JHY: variants seen among roughly 807,000 people sequenced by gnomAD.
JHY encodes the protein junctional cadherin complex regulator.
A neutral mutation model predicts 78.0 loss-of-function variants in JHY; 69 were observed. The ratio of observed to expected loss-of-function variants is 0.88; its 90% confidence interval spans 0.73 to 1.08. JHY has a LOEUF of 1.08. Among genes scored for constraint, JHY ranks in the 50% least tolerant of loss-of-function variants. The pLI is 0.00. For synonymous variants in JHY, 368 were observed against 342.6 expected, an observed-to-expected ratio of 1.07 and a Z score of -0.82; for missense variants, 944 against 927.8, an observed-to-expected ratio of 1.02 and a Z score of -0.23.
chr11:122,925,252 A>T (rs1245654895), intron 4 of JHY, among the ~76,000 whole-genome samples: 4 of 152,208 alleles, frequency 2.6e-5, no homozygotes, highest in Non-Finnish European at 4.4e-5. Flanking sequence ...CACTTCCAAC[A>T]TACTGAGTTA....
At chr11:122,913,384 G>A (rs2135322892) in intron 3 of JHY, among the ~76,000 whole-genome samples, 1 of 152,268 alleles carries the variant, frequency 6.6e-6, no homozygotes, top group Admixed American at 6.5e-5. Context: ...ATTTCATAGG[G>A]TAATTCTTTC....
intron 3 of JHY, among the ~76,000 whole-genome samples, chr11:122,908,586 A>G (rs952446004): frequency 1.3e-5 from 2 of 152,224 alleles, no homozygotes; most frequent in African/African-American, 4.8e-5. Context: ...AGAGTTGAAT[A>G]AGTCATTATC....
intron 6 of JHY, among the ~76,000 whole-genome samples, chr11:122,951,978 A>G (rs1348581553): frequency 1.3e-5 from 2 of 148,516 alleles, no homozygotes; most frequent in African/African-American, 5.0e-5. Context: ...CAAGACTATC[A>G]TTGTTGATTT....
chr11:122,925,126 C>T (rs1591385158), intron 4 of JHY, 116 bp downstream of exon 4: 2 of 811,852 alleles, frequency 2.5e-6, no homozygotes, highest in East Asian at 5.6e-5. Flanking sequence ...AGAATAATTA[C>T]CCACTTTCCT....
chr11:122,885,582 T>A (rs1862478012), intron 1 of JHY, among the ~76,000 whole-genome samples, 179 bp from the exon 2 acceptor site: 1 of 152,206 alleles, frequency 6.6e-6, no homozygotes, highest in Non-Finnish European at 1.5e-5. Flanking sequence ...TCAGATGTGT[T>A]TCTGCAGAGA....
At chr11:122,915,861 AG>A (rs1863222842) in intron 3 of JHY, among the ~76,000 whole-genome samples, 3 of 152,188 alleles carry the variant, frequency 2.0e-5, no homozygotes, top group African/African-American at 7.2e-5. Flanking sequence ...AGGGCACTGC[AG>A]GCAAAGGGGG....
Position 122,946,605 on chromosome 11 carries a change from TGCA to T in JHY, c.1745_1747del (p.Gln582del), listed in dbSNP as rs1409068210. 5 of 1,614,082 alleles carry T rather than the reference TGCA, an allele frequency of 3.1e-6. No homozygotes were observed. The highest frequency in any genetic ancestry group is 4.2e-6 in the Non-Finnish European group (5 of 1,180,002). ...CAAGCCTTGGTGCAGCTGACCGACG[TGCA>T]GCCCAGTGAAGGGGCCTTATCCAGC... is the stretch of plus-strand genomic sequence containing the variant. On this transcript the variant is annotated inframe_deletion, in exon 6 of 9. Coordinates refer to ENST00000227349, the MANE Select transcript of JHY (RefSeq NM_024806.4).
chr11:122,924,370 C>T (rs949567848), intron 3 of JHY, among the ~76,000 whole-genome samples: 8 of 152,152 alleles, frequency 5.3e-5, no homozygotes, highest in African/African-American at 1.9e-4. Flanking sequence ...CTTAACCTCT[C>T]TGTACCTTTG....
rs1353703866 is a variant in JHY, at chr11:122,904,057, T to C, written c.477T>C (p.Pro159=). The C allele has an allele frequency of 6.2e-7, 1 of 1,614,032 alleles. No individual in the cohort carries two copies. The highest frequency in any genetic ancestry group is 8.5e-7 in the Non-Finnish European group (1 of 1,180,020). ...ESTDSSLENL[P]LAPLYPSQET... is the part of the protein sequence containing the mutation. The stretch of plus-strand genomic sequence containing the variant: ...CGGACAGCTCTTTAGAAAATCTGCC[T>C]TTGGCTCCCCTCTACCCTTCCCAGG... The change falls in exon 3 of 9, where the codon CCT becomes CCC. Residue 159 remains proline, a synonymous_variant. Transcript: ENST00000227349.
rs983418211 is a variant in JHY, at chr11:122,883,249, T to C, written c.-90+277T>C. ...CCCGGGCACCAGGCCCGCCGACTTGTCACTTCCTGGACCTCCAAACGCCCC... is the reference window on the plus strand; with the variant it reads ...CCCGGGCACCAGGCCCGCCGACTTGCCACTTCCTGGACCTCCAAACGCCCC... On this transcript the variant is annotated intron_variant, in intron 1 of 8. Coordinates refer to ENST00000227349, the MANE Select transcript of JHY (RefSeq NM_024806.4). The surrounding 1 kb of genome is among the most constrained non-coding windows in gnomAD (Gnocchi z 4.4). Among the ~76,000 whole-genome samples, 1 of 152,152 alleles carries C rather than the reference T, an allele frequency of 6.6e-6. No individual in the cohort carries two copies. Among genetic ancestry groups the C allele is most frequent in the African/African-American group, 2.4e-5 (1 of 41,464 alleles).
At position 122,963,745 on chromosome 11, in the gene JHY, G is replaced by A. The variant is rs367974747; in HGVS notation, c.*4300G>A. Reference sequence around the variant, plus strand: ...AGAAAACAAAAAACTTCAAACTTAAGTGATGTAATGATGGAGCACCTGTAT... The same window carrying A: ...AGAAAACAAAAAACTTCAAACTTAAATGATGTAATGATGGAGCACCTGTAT... On this transcript the variant is annotated 3_prime_UTR_variant, in exon 9 of 9. Transcript: ENST00000227349. Among the ~76,000 whole-genome samples the A allele has an allele frequency of 5.3e-5, 8 of 152,216 alleles. No homozygotes were observed. In the South Asian group the frequency reaches 8.3e-4, roughly 16 times the overall value.
chr11:122,886,964 T>C (rs1214650735), intron 2 of JHY, among the ~76,000 whole-genome samples: 1 of 152,180 alleles, frequency 6.6e-6, no homozygotes, highest in Non-Finnish European at 1.5e-5. Flanking sequence ...AACCTTGTGC[T>C]ATGAGCTACC....
At chr11:122,939,553 C>T (rs749835696) in intron 5 of JHY, among the ~76,000 whole-genome samples, 4 of 152,100 alleles carry the variant, frequency 2.6e-5, no homozygotes, top group Non-Finnish European at 4.4e-5. Context: ...GGGTTGATGT[C>T]TTTTAAAAAT....
chr11:122,916,062 T>C (rs114150723), intron 3 of JHY, among the ~76,000 whole-genome samples: 2,042 of 151,910 alleles, frequency 0.013, 55 homozygotes, highest in African/African-American at 0.046. Context: ...GAAGAGAGGT[T>C]GGTCAGTTGG....
Position 122,898,852 on chromosome 11 carries a change from G to A in JHY, c.345-5073G>A, listed in dbSNP as rs983724507. Among the ~76,000 whole-genome samples, 4 of 152,138 alleles carry A rather than the reference G, an allele frequency of 2.6e-5. No individual in the cohort carries two copies. Among genetic ancestry groups the A allele is most frequent in the Non-Finnish European group, 5.9e-5 (4 of 68,034 alleles). On this transcript the variant is annotated intron_variant, in intron 2 of 8. Transcript: ENST00000227349. The surrounding 1 kb of genome is among the most constrained non-coding windows in gnomAD (Gnocchi z 4.4). ...CGAGATCTGACCTTTGCTTGCCCTT[G>A]AGCTGTGCTCCTCGACCTGCCCTCC...
At chr11:122,946,408 C>T (rs1352289669) in intron 5 of JHY, 90 bp from the exon 6 acceptor site, 2 of 1,347,498 alleles carry the variant, frequency 1.5e-6, no homozygotes, top group Non-Finnish European at 2.0e-6. Context: ...ATAAATACAT[C>T]AAATTAATGG....
At chr11:122,909,521 C>T (rs1011071372) in intron 3 of JHY, among the ~76,000 whole-genome samples, 6 of 152,086 alleles carry the variant, frequency 3.9e-5, no homozygotes, top group African/African-American at 1.4e-4. Context: ...AGTTAGGCCA[C>T]GTAAACTCAG....
chr11:122,888,677 C>T lies in JHY; in HGVS notation c.344+2484C>T, dbSNP rs1862547682. On this transcript the variant is annotated intron_variant, in intron 2 of 8. Transcript: ENST00000227349. ...TTACAGATAAAGTTTCCATGTACCC[C>T]CTTCTCAAACTCATTCCCCTTTCTT... Among the ~76,000 whole-genome samples, 4 of 152,098 alleles carry T rather than the reference C, an allele frequency of 2.6e-5. No individual in the cohort carries two copies. The South Asian group carries it at 8.3e-4, about 32-fold the overall frequency.
intron 2 of JHY, among the ~76,000 whole-genome samples, chr11:122,895,052 T>C (rs1039307754): frequency 2.0e-5 from 3 of 152,242 alleles, no homozygotes; most frequent in African/African-American, 4.8e-5. Flanking sequence ...ATTTATTTCA[T>C]TTTATTTACT....
Sources: gnomAD v4.1 joint callset for allele counts (sites outside exome capture counted in the v4.1 genomes callset) on GRCh38, gnomAD v4.1.1 for gene constraint, Gnocchi (gnomAD v3.1) non-coding constraint, MANE v1.5 for transcripts, NCBI Gene and HGNC (gene_info 2026-07-23, HGNC 2026-07-21) for gene names.